The following LONRF3 variants were observed in gnomAD, a reference collection of about 807,000 sequenced individuals.
LONRF3 encodes the protein LON peptidase N-terminal domain and ring finger 3.
A neutral mutation model predicts 51.7 loss-of-function variants in LONRF3; 19 were observed. The observed-to-expected ratio is 0.37, with a 90% confidence interval of 0.26 to 0.54. LONRF3 has a LOEUF of 0.54. LONRF3 is among the 20% of genes least tolerant of loss of function. LONRF3 has a pLI of 0.86. For missense variants in LONRF3, 521 were observed against 623.9 expected, an observed-to-expected ratio of 0.84 and a Z score of 1.76; for synonymous variants, 265 against 257.8, an observed-to-expected ratio of 1.03 and a Z score of -0.27.
At chrX:118,977,044 A>C (rs1345437896) in intron 1 of LONRF3, 2 of 112,430 alleles carry the variant, frequency 1.8e-5, no homozygotes, top group Admixed American at 1.9e-4. Flanking sequence ...CAAGCAAGGC[A>C]GACTGTGAGC....
Position 118,982,804 on chromosome X carries a change from CTAA to C in LONRF3, c.937-15_937-13del, listed in dbSNP as rs1569475462. On this transcript the variant is annotated splice_polypyrimidine_tract_variant and intron_variant, in intron 2 of 10. Transcript: ENST00000371628. ...AGGCTGAATAAAATGGGATTGAATGCTAATGTTTCCTTCCAGGCACATTTCAGA... is the reference window on the plus strand; with the variant it reads ...AGGCTGAATAAAATGGGATTGAATGCTGTTTCCTTCCAGGCACATTTCAGA... 1.7e-6 allele frequency: 2 copies of C among 1,210,258 alleles called. No homozygotes were observed. Among genetic ancestry groups the C allele is most frequent in the Non-Finnish European group, 2.2e-6 (2 of 894,454 alleles).
chrX:118,978,261 G>T, intron 1 of LONRF3, 84 bp from the exon 2 acceptor site: 1 of 574,158 alleles, frequency 1.7e-6, no homozygotes, highest in Non-Finnish European at 3.0e-6. Flanking sequence ...CTTATCATTT[G>T]CTCAAGATCC....
At position 119,017,738 on chromosome X, in the gene LONRF3, G is replaced by A; in HGVS notation, c.*48G>A. On this transcript the variant is annotated 3_prime_UTR_variant, in exon 11 of 11. Transcript: ENST00000371628. ...CTCCCACCTTCCCCACTGCCGTCGGGGGGAGTCTTCTTGTAAATATATCTA... is the reference window on the plus strand; with the variant it reads ...CTCCCACCTTCCCCACTGCCGTCGGAGGGAGTCTTCTTGTAAATATATCTA... The A allele has an allele frequency of 9.1e-7, 1 of 1,103,618 alleles. No individual in the cohort carries two copies. Among genetic ancestry groups the A allele is most frequent in the Non-Finnish European group, 1.2e-6 (1 of 828,221 alleles). 91.0% of individuals were successfully genotyped at this position (1,103,618 alleles called of 1,213,427 possible).
intron 3 of LONRF3, among the ~76,000 whole-genome samples, chrX:118,987,452 T>TG (rs1923082184): frequency 5.9e-5 from 5 of 84,655 alleles, no homozygotes; most frequent in African/African-American, 2.2e-4. Context: ...TAAGTTTTTT[T>TG]TTTTTTTTTT....
At chrX:118,985,295 C>T (rs1922865159) in intron 3 of LONRF3, among the ~76,000 whole-genome samples, 1 of 111,747 alleles carries the variant, frequency 8.9e-6, no homozygotes, top group African/African-American at 3.3e-5. Context: ...AAGGATACTG[C>T]CTCCTCAGAA....
intron 4 of LONRF3, 122 bp from the exon 5 acceptor site, chrX:118,990,348 C>T (rs1923332439): frequency 7.5e-6 from 4 of 534,446 alleles, no homozygotes; most frequent in Non-Finnish European, 1.3e-5. Flanking sequence ...ACTAAATCAA[C>T]TCTCTGGGAG....
Position 118,974,747 on chromosome X carries a change from T to C in LONRF3, c.-34T>C. On this transcript the variant is annotated 5_prime_UTR_variant, in exon 1 of 11. The change abolishes the stop of an existing upstream ORF in the 5' untranslated region. Coordinates refer to ENST00000371628, the MANE Select transcript of LONRF3 (RefSeq NM_001031855.3). ...CTCCTTGCTTCGTGTCCCCGGTCCC[T>C]AGACGCCTCGTCTCCTCCCGTGTCC... 1 of 1,122,410 alleles carries C rather than the reference T, an allele frequency of 8.9e-7. No homozygotes were observed. The highest frequency in any genetic ancestry group is 1.2e-6 in the Non-Finnish European group (1 of 840,423). 92.5% of individuals were successfully genotyped at this position (1,122,410 alleles called of 1,213,427 possible).
chrX:118,997,700 G>A (rs1369885710), intron 5 of LONRF3, among the ~76,000 whole-genome samples: 1 of 112,665 alleles, frequency 8.9e-6, no homozygotes, highest in Non-Finnish European at 1.9e-5. Flanking sequence ...AGCCCACAGA[G>A]TGGGAGAAAA....
At chrX:118,989,800 T>C in intron 4 of LONRF3, 128 bp downstream of exon 4, 1 of 695,772 alleles carries the variant, frequency 1.4e-6, no homozygotes, top group Non-Finnish European at 2.1e-6. Flanking sequence ...TGGCATTTAC[T>C]AGCTGTGTGA....
intron 5 of LONRF3, among the ~76,000 whole-genome samples, chrX:119,004,630 G>A (rs1034468057): frequency 2.7e-5 from 3 of 111,996 alleles, no homozygotes; most frequent in African/African-American, 9.7e-5. Flanking sequence ...GGCATCTAGA[G>A]TTTTCATAGG....
chrX:119,008,271 C>A (rs1345858708), intron 6 of LONRF3, among the ~76,000 whole-genome samples: 2 of 112,536 alleles, frequency 1.8e-5, no homozygotes, highest in Non-Finnish European at 3.7e-5. Context: ...GAGAAAGGAA[C>A]AAAATTGTTT....
intron 4 of LONRF3, among the ~76,000 whole-genome samples, chrX:118,989,904 G>A (rs748569482): frequency 8.9e-6 from 1 of 111,904 alleles, no homozygotes; most frequent in Admixed American, 9.4e-5. Flanking sequence ...ATAATGGAAA[G>A]CCAAGGCATC....
intron 3 of LONRF3, among the ~76,000 whole-genome samples, chrX:118,988,105 G>A (rs1454482169): frequency 1.8e-5 from 2 of 111,199 alleles, no homozygotes; most frequent in East Asian, 2.8e-4. Flanking sequence ...ATTCATGCCC[G>A]GTGTTCTTCT....
In LONRF3 at chrX:119,013,128, G is replaced by A; in HGVS notation, c.1901G>A (p.Arg634His). ...GTGGTTGACAGCATAGGCAAGAGGCGCTTCAGGGTGCTCCATCAGAGCCAG... is the reference window on the plus strand; with the variant it reads ...GTGGTTGACAGCATAGGCAAGAGGCACTTCAGGGTGCTCCATCAGAGCCAG... ...RSVVDSIGKR[R>H]FRVLHQSQRD... Residue 634 changes from arginine to histidine, a missense_variant, in exon 9 of 11, where the codon CGC (arginine) becomes CAC (histidine). Transcript: ENST00000371628. 1 of 1,212,106 alleles carries A rather than the reference G, an allele frequency of 8.3e-7. No homozygotes were observed. The highest frequency in any genetic ancestry group is 1.1e-6 in the Non-Finnish European group (1 of 895,543).
chrX:118,991,579 G>GGCTAT (rs1411913207), intron 5 of LONRF3, among the ~76,000 whole-genome samples: 1 of 112,116 alleles, frequency 8.9e-6, no homozygotes, highest in Non-Finnish European at 1.9e-5. Context: ...AAAAGAAAGA[G>GGCTAT]GCTATGATTA....
At chrX:119,000,711 A>G (rs1924214514) in intron 5 of LONRF3, among the ~76,000 whole-genome samples, 1 of 110,344 alleles carries the variant, frequency 9.1e-6, no homozygotes, top group Non-Finnish European at 1.9e-5. Context: ...AAGAAGCTTC[A>G]TATTTAACCT....
chrX:118,985,044 G>A (rs1318447201), intron 3 of LONRF3, among the ~76,000 whole-genome samples: 3 of 112,471 alleles, frequency 2.7e-5, no homozygotes, highest in African/African-American at 9.7e-5. Flanking sequence ...CATGTGGAAT[G>A]ATCATTCTCA....
intron 10 of LONRF3, among the ~76,000 whole-genome samples, chrX:119,014,651 A>G (rs962610565): frequency 5.4e-5 from 6 of 111,674 alleles, no homozygotes; most frequent in Non-Finnish European, 9.4e-5. Context: ...AGAACCTTCC[A>G]TGGGAGTCCA....
intron 2 of LONRF3, among the ~76,000 whole-genome samples, chrX:118,982,022 C>G (rs977316349): frequency 1.8e-5 from 2 of 111,874 alleles, no homozygotes; most frequent in African/African-American, 6.5e-5. Context: ...AGAGGGCAGC[C>G]CTCTCCCCCG....
Sources: allele counts gnomAD v4.1 joint callset (sites outside exome capture counted in the v4.1 genomes callset), GRCh38; gene constraint gnomAD v4.1.1; transcripts MANE v1.5; gene names NCBI Gene and HGNC (gene_info 2026-07-23, HGNC 2026-07-21).